The following TMEM244 variants were observed in gnomAD, a reference collection of about 807,000 sequenced individuals.
TMEM244 encodes the protein transmembrane protein 244.
TMEM244 carries 13 observed loss-of-function variants against 15.8 expected under a neutral mutation model. The ratio of observed to expected loss-of-function variants is 0.82; its 90% CI spans 0.53 to 1.30. The LOEUF (loss-of-function observed/expected upper bound fraction) is 1.30. Ranked by LOEUF, TMEM244 falls within the 50% of genes most tolerant of loss-of-function variation. The pLI, the probability that TMEM244 is intolerant of heterozygous loss-of-function variation, is 0.00. For synonymous variants in TMEM244, 45 were observed against 48.7 expected, an observed-to-expected ratio of 0.92 and a Z score of 0.32; for missense variants, 161 against 144.9, an observed-to-expected ratio of 1.11 and a Z score of -0.57.
At chr6:129,843,897 G>A (rs371099124) in intron 2 of TMEM244, among the ~76,000 whole-genome samples, 4 of 152,258 alleles carry the variant, frequency 2.6e-5, no homozygotes, top group Middle Eastern at 6.8e-3. Context: ...AAGGTAACAA[G>A]GGACAAGGCA....
At chr6:129,836,080 G>A (rs901197523) in intron 3 of TMEM244, among the ~76,000 whole-genome samples, 6 of 152,148 alleles carry the variant, frequency 3.9e-5, no homozygotes, top group Non-Finnish European at 7.4e-5. Flanking sequence ...CATGGCATTC[G>A]AGCTCCGAGA....
At chr6:129,857,817 CAT>C (rs200895353) in intron 1 of TMEM244, among the ~76,000 whole-genome samples, 2,260 of 149,688 alleles carry the variant, frequency 0.015, 20 homozygotes, top group Non-Finnish European at 0.022. Context: ...TATATACACA[CAT>C]ATATATATGT....
At chr6:129,840,954 GAAC>G (rs1776480939) in intron 3 of TMEM244, among the ~76,000 whole-genome samples, 1 of 152,158 alleles carries the variant, frequency 6.6e-6, no homozygotes, top group African/African-American at 2.4e-5. Flanking sequence ...GGAGCAATAG[GAAC>G]ACTTTTACAC....
chr6:129,841,528 C>T (rs1225792339), intron 3 of TMEM244, among the ~76,000 whole-genome samples: 1 of 152,100 alleles, frequency 6.6e-6, no homozygotes, highest in African/African-American at 2.4e-5. Flanking sequence ...ATTTAACAAA[C>T]CTGCACATTG....
chr6:129,833,902 A>G (rs1776365155), intron 3 of TMEM244, among the ~76,000 whole-genome samples: 1 of 152,238 alleles, frequency 6.6e-6, no homozygotes, highest in South Asian at 2.1e-4. Context: ...ATTGGATTGC[A>G]AATCTCATTT....
intron 1 of TMEM244, among the ~76,000 whole-genome samples, chr6:129,853,422 A>T (rs1324387280): frequency 1.3e-5 from 2 of 152,126 alleles, no homozygotes; most frequent in East Asian, 1.9e-4. Context: ...ATTCAAACAC[A>T]TATCATTATA....
intron 3 of TMEM244, among the ~76,000 whole-genome samples, chr6:129,838,526 G>A (rs9402180): frequency 0.37 from 56,632 of 151,802 alleles, 11,046 homozygotes; most frequent in South Asian, 0.5. Context: ...ATTAACAATA[G>A]AGAAGCAAGA....
intron 2 of TMEM244, 119 bp from the exon 3 acceptor site, chr6:129,843,722 T>C (rs1776523085): frequency 3.3e-6 from 2 of 612,076 alleles, no homozygotes; most frequent in African/African-American, 3.8e-5. Context: ...ACCCACATTG[T>C]GGCACATTTC....
At chr6:129,857,008 T>C (rs1776722088) in intron 1 of TMEM244, among the ~76,000 whole-genome samples, 3 of 152,088 alleles carry the variant, frequency 2.0e-5, no homozygotes, top group Admixed American at 6.6e-5. Flanking sequence ...GTTAAGCTTA[T>C]GATTAAATAA....
At chr6:129,845,669 T>C (rs1485397334) in intron 2 of TMEM244, 98 bp downstream of exon 2, 2 of 919,202 alleles carry the variant, frequency 2.2e-6, no homozygotes, top group East Asian at 2.5e-5. Context: ...AAAATCCACA[T>C]CCTCTAATCC....
intron 4 of TMEM244, among the ~76,000 whole-genome samples, chr6:129,832,724 T>A (rs1776348127): frequency 1.3e-5 from 2 of 152,150 alleles, no homozygotes; most frequent in South Asian, 4.1e-4. Flanking sequence ...GAAACTAATG[T>A]AAGAGATGTG....
chr6:129,841,521 TAACA>T (rs1776490975), intron 3 of TMEM244, among the ~76,000 whole-genome samples: 1 of 152,122 alleles, frequency 6.6e-6, no homozygotes, highest in Admixed American at 6.5e-5. Flanking sequence ...TATACCTATT[TAACA>T]AACCTGCACA....
chr6:129,853,124 A>G (rs913895467), intron 1 of TMEM244, among the ~76,000 whole-genome samples: 2 of 152,206 alleles, frequency 1.3e-5, no homozygotes, highest in African/African-American at 4.8e-5. Flanking sequence ...GGAAAACACA[A>G]GAACATCTCA....
At chr6:129,856,729 T>C (rs2114647325) in intron 1 of TMEM244, among the ~76,000 whole-genome samples, 1 of 152,222 alleles carries the variant, frequency 6.6e-6, no homozygotes, top group South Asian at 2.1e-4. Flanking sequence ...CTCATAGCTA[T>C]TTTTATTTTT....
intron 1 of TMEM244, among the ~76,000 whole-genome samples, chr6:129,860,876 C>T (rs1462604555): frequency 2.0e-5 from 3 of 151,726 alleles, no homozygotes; most frequent in Middle Eastern, 3.4e-3. Flanking sequence ...CGATAGCAGA[C>T]GTGCAGGTGC....
intron 1 of TMEM244, among the ~76,000 whole-genome samples, chr6:129,849,012 T>C (rs1776600274): frequency 1.3e-5 from 2 of 152,066 alleles, no homozygotes; most frequent in Admixed American, 1.3e-4. Context: ...AAAATTTTCC[T>C]TGTATAATCC....
chr6:129,861,264 T>A lies in TMEM244; in HGVS notation c.-76A>T. 2 of 1,543,636 alleles carry A rather than the reference T, an allele frequency of 1.3e-6. No individual in the cohort carries two copies. The highest frequency in any genetic ancestry group is 1.7e-5 in the Admixed American group (1 of 58,400). ...TGACATCTGGAAGAAGACACAATTG[T>A]CACCGTGAGCTTTTCAATTACTCCT... On this transcript the variant is annotated 5_prime_UTR_variant, in exon 1 of 5. Transcript: ENST00000368143.
chr6:129,849,358 C>T (rs112925904), intron 1 of TMEM244, among the ~76,000 whole-genome samples: 28 of 147,658 alleles, frequency 1.9e-4, no homozygotes, highest in Admixed American at 2.7e-4. Flanking sequence ...TTTTCTTCCT[C>T]GAATCTACAC....
intron 3 of TMEM244, among the ~76,000 whole-genome samples, chr6:129,838,828 G>T (rs1776446048): frequency 6.6e-6 from 1 of 152,178 alleles, no homozygotes; most frequent in African/African-American, 2.4e-5. Flanking sequence ...AGAAAATCTA[G>T]AAGAAATGGA....
Sources: allele counts gnomAD v4.1 joint callset (sites outside exome capture counted in the v4.1 genomes callset), GRCh38; gene constraint gnomAD v4.1.1; transcripts MANE v1.5; gene names NCBI Gene and HGNC (gene_info 2026-07-23, HGNC 2026-07-21).